The following PRCD variants were observed in gnomAD, a reference collection of about 807,000 sequenced individuals.
The protein encoded by PRCD is photoreceptor disk component PRCD.
PRCD carries 12 observed loss-of-function variants against 10.1 expected under a neutral mutation model. The ratio of observed to expected loss-of-function variants is 1.18; its 90% confidence interval spans 0.76 to 1.92. The LOEUF (loss-of-function observed/expected upper bound fraction) is 1.92, where lower values mean the gene tolerates loss of function less well. Among genes scored for constraint, PRCD ranks in the 40% most tolerant of loss-of-function variants. The pLI is 0.00. For synonymous variants in PRCD, 31 were observed against 26.2 expected (o/e 1.18, Z -0.56); for missense variants, 61 against 72.2 (o/e 0.84, Z 0.56).
chr17:76,540,261 G>C lies in PRCD; in HGVS notation c.74+46G>C, dbSNP rs769134763. ...TGGCTGGCGGTTGGTCGGGGGGGGGGGGCATGGGGCTGGGCTGCCACCAAG... is the reference window on the plus strand; with the variant it reads ...TGGCTGGCGGTTGGTCGGGGGGGGGCGGCATGGGGCTGGGCTGCCACCAAG... On this transcript the variant is annotated intron_variant, in intron 1 of 4. Transcript: ENST00000592014. This position sits in a 1 kb window ranked among gnomAD's most constrained non-coding sequence, Gnocchi z 5.0. 1.2e-6 allele frequency: 1 copy of C among 826,468 alleles called. No individual in the cohort carries two copies. The highest frequency in any genetic ancestry group is 2.8e-5 in the East Asian group (1 of 35,898). 51.2% of individuals were successfully genotyped at this position (826,468 alleles called of 1,614,324 possible). A position where few individuals can be genotyped will look rare whatever the true frequency, so the allele number is the denominator to read the frequency against.
Position 76,528,922 on chromosome 17 carries a change from G to A in PRCD, n.45+1089G>A, listed in dbSNP as rs901406898. 8 of 1,163,386 alleles carry A rather than the reference G, an allele frequency of 6.9e-6. No individual in the cohort carries two copies. In the Admixed American group the frequency reaches 1.9e-4, roughly 27 times the overall value. The allele number at this position is 1,163,386 out of a possible 1,614,324, so 72.1% of individuals were successfully genotyped here. A position where few individuals can be genotyped will look rare whatever the true frequency, so the allele number is the denominator to read the frequency against. On this transcript the variant is annotated intron_variant and non_coding_transcript_variant, in intron 1 of 4. Coordinates refer to the PRCD transcript ENST00000397633. The surrounding 1 kb of genome is among the most constrained non-coding windows in gnomAD (Gnocchi z 5.8). Reference sequence around the variant, plus strand: ...AAACTGCAAAGCACGATACCAATGTGAGCTCTTTTTCCATTAATTCTGAAA... The same window carrying A: ...AAACTGCAAAGCACGATACCAATGTAAGCTCTTTTTCCATTAATTCTGAAA...
At position 76,528,022 on chromosome 17, in the gene PRCD, G is replaced by C. The variant is rs2074787389; in HGVS notation, n.45+189G>C. The C allele has an allele frequency of 2.7e-6, 1 of 366,964 alleles. No homozygotes were observed. The highest frequency in any genetic ancestry group is 2.1e-5 in the African/African-American group (1 of 47,116). 22.7% of individuals were successfully genotyped at this position (366,964 alleles called of 1,614,324 possible). ...GATTTCCTCTTTGCCAGAACACTCT[G>C]TTCTCTGCACAACCGGAACCCCTCC... On this transcript the variant is annotated intron_variant and non_coding_transcript_variant, in intron 1 of 4. Transcript: ENST00000397633. This position sits in a 1 kb window ranked among gnomAD's most constrained non-coding sequence, Gnocchi z 5.8.
intron 4 of PRCD, 73 bp from the exon 5 acceptor site, chr17:76,543,730 C>T: frequency 2.1e-6 from 1 of 468,420 alleles, no homozygotes; most frequent in Admixed American, 2.3e-5. Flanking sequence ...GTTAAGCCGC[C>T]ACTTGTGGTC....
chr17:76,531,582 C>T lies in PRCD; in HGVS notation n.45+3749C>T, dbSNP rs1050578466. The T allele has an allele frequency of 6.2e-7, 1 of 1,614,080 alleles. No individual in the cohort carries two copies. The highest frequency in any genetic ancestry group is 8.5e-7 in the Non-Finnish European group (1 of 1,179,902). ...ACGACAGTGTTGAGGGCCCCCATGA[C>T]TCGGCAGGCGTGCTTCCGCAGCTGG... is the stretch of plus-strand genomic sequence containing the variant. On this transcript the variant is annotated intron_variant and non_coding_transcript_variant, in intron 1 of 4. Transcript: ENST00000397633. The surrounding 1 kb of genome is among the most constrained non-coding windows in gnomAD (Gnocchi z 7.4).
rs999800026 is a variant in PRCD at position 76,533,681 on chromosome 17, C to T, written n.45+5848C>T. 6.6e-6 allele frequency among the ~76,000 whole-genome samples: 1 copy of T among 151,970 alleles called. No individual in the cohort carries two copies. Among genetic ancestry groups the T allele is most frequent in the African/African-American group, 2.4e-5 (1 of 41,336 alleles). On this transcript the variant is annotated intron_variant and non_coding_transcript_variant, in intron 1 of 4. Transcript: ENST00000397633. The surrounding 1 kb of genome is among the most constrained non-coding windows in gnomAD (Gnocchi z 4.5). ...AAGGCTGCAGGGAGCCAAGATTGTGCCATTGCACTCCAGCCTGGGTGACAG... is the reference window on the plus strand; with the variant it reads ...AAGGCTGCAGGGAGCCAAGATTGTGTCATTGCACTCCAGCCTGGGTGACAG...
intron 1 of PRCD, chr17:76,529,814 C>T: frequency 1.0e-6 from 1 of 985,324 alleles, no homozygotes; most frequent in Non-Finnish European, 1.2e-6. Flanking sequence ...TCCCAGGTCT[C>T]AGGCAGGCCA....
At chr17:76,547,917 CACACAT>C (rs1453774135), downstream of PRCD, among the ~76,000 whole-genome samples, 3 of 151,006 alleles carry the variant, frequency 2.0e-5, no homozygotes, top group African/African-American at 7.3e-5. Context: ...CACATTCACA[CACACAT>C]ACACATATAC....
At position 76,540,230 on chromosome 17, in the gene PRCD, G is replaced by T; in HGVS notation, c.74+15G>T. 2 of 1,571,066 alleles carry T rather than the reference G, an allele frequency of 1.3e-6. No homozygotes were observed. Among genetic ancestry groups the T allele is most frequent in the Non-Finnish European group, 1.7e-6 (2 of 1,156,630 alleles). On this transcript the variant is annotated intron_variant, in intron 1 of 4. Transcript: ENST00000592014. The surrounding 1 kb of genome is among the most constrained non-coding windows in gnomAD (Gnocchi z 5.0). Reference sequence around the variant, plus strand: ...CGAGTCCAACCGTGAGAAACTGACCGGGCTATGGCTGGCGGTTGGTCGGGG... The same window carrying T: ...CGAGTCCAACCGTGAGAAACTGACCTGGCTATGGCTGGCGGTTGGTCGGGG...
chr17:76,552,182 A>G (rs2075113724), intron 1 of PRCD: 1 of 152,118 alleles, frequency 6.6e-6, no homozygotes, highest in Non-Finnish European at 1.5e-5. Context: ...TTTCTTTTTA[A>G]AATCTCACTT....
At chr17:76,534,175 T>TCTCTCC (rs1418865175) in intron 1 of PRCD, among the ~76,000 whole-genome samples, 6 of 148,026 alleles carry the variant, frequency 4.1e-5, no homozygotes, top group Admixed American at 2.7e-4. Context: ...TCTCTCTCTC[T>TCTCTCC]CTTTCTTTCT....
chr17:76,528,369 C>A lies in PRCD; in HGVS notation n.45+536C>A, dbSNP rs1032616748. ...AGAAGAGTGGGCCCCGCTCTGCCCG[C>A]CGCGCTGGGGTCAGCATCCAGGCAG... On this transcript the variant is annotated intron_variant and non_coding_transcript_variant, in intron 1 of 4. Coordinates refer to the PRCD transcript ENST00000397633. The surrounding 1 kb of genome is among the most constrained non-coding windows in gnomAD (Gnocchi z 5.8). The A allele has an allele frequency of 9.5e-6, 4 of 422,458 alleles. No individual in the cohort carries two copies. Among genetic ancestry groups the A allele is most frequent in the African/African-American group, 8.2e-5 (4 of 48,946 alleles). The allele number at this position is 422,458 out of a possible 1,614,324, so 26.2% of individuals were successfully genotyped here. A position where few individuals can be genotyped will look rare whatever the true frequency, so the allele number is the denominator to read the frequency against.
In PRCD at chr17:76,528,966, G is replaced by A; in HGVS notation, n.45+1133G>A. On this transcript the variant is annotated intron_variant and non_coding_transcript_variant, in intron 1 of 4. Transcript: ENST00000397633. This position sits in a 1 kb window ranked among gnomAD's most constrained non-coding sequence, Gnocchi z 5.8. Reference sequence around the variant, plus strand: ...TCTGAAACGTGGCGCATTCTGTCCGGCCTGTCTCGTCCCTCCTCGGGCCAC... The same window carrying A: ...TCTGAAACGTGGCGCATTCTGTCCGACCTGTCTCGTCCCTCCTCGGGCCAC... The A allele has an allele frequency of 9.6e-7, 1 of 1,045,208 alleles. No homozygotes were observed. The highest frequency in any genetic ancestry group is 1.2e-6 in the Non-Finnish European group (1 of 869,552). The allele number at this position is 1,045,208 out of a possible 1,614,324, so 64.7% of individuals were successfully genotyped here. A position where few individuals can be genotyped will look rare whatever the true frequency, so the allele number is the denominator to read the frequency against.
At chr17:76,536,910 C>G (rs1415868443), upstream of PRCD, among the ~76,000 whole-genome samples, 3 of 152,332 alleles carry the variant, frequency 2.0e-5, no homozygotes, top group East Asian at 5.8e-4. Flanking sequence ...TCTTTCTCAA[C>G]CTCTGCTCTT....
chr17:76,532,988 C>T (rs957115538), intron 1 of PRCD, among the ~76,000 whole-genome samples: 2 of 152,214 alleles, frequency 1.3e-5, no homozygotes, highest in Non-Finnish European at 2.9e-5. Context: ...TCTGCCCCTT[C>T]GTGTGTCCCC....
Position 76,529,046 on chromosome 17 carries a change from C to G in PRCD, n.45+1213C>G, listed in dbSNP as rs1175855318. On this transcript the variant is annotated intron_variant and non_coding_transcript_variant, in intron 1 of 4. Transcript: ENST00000397633. ...ACAGCGCCCCCTGCAGTCATTGCGCCCCCCCCCCACCCCCCACCCACGCAA... is the reference window on the plus strand; with the variant it reads ...ACAGCGCCCCCTGCAGTCATTGCGCGCCCCCCCCACCCCCCACCCACGCAA... 1.2e-4 allele frequency: 11 copies of G among 88,004 alleles called. No individual in the cohort carries two copies. In the African/African-American group the frequency reaches 2.7e-3, roughly 22 times the overall value. 5.5% of individuals were successfully genotyped at this position (88,004 alleles called of 1,614,324 possible). A position where few individuals can be genotyped will look rare whatever the true frequency, so the allele number is the denominator to read the frequency against.
At chr17:76,546,919 C>T (rs553393696), downstream of PRCD, 1 of 152,322 alleles carries the variant, frequency 6.6e-6, no homozygotes, top group Non-Finnish European at 1.5e-5. This position sits in a 1 kb window ranked among gnomAD's most constrained non-coding sequence, Gnocchi z 4.5. Context: ...GAAGCCAGGA[C>T]CTGAGCCTGG....
rs146768380 is a variant in PRCD at position 76,531,614 on chromosome 17, C to A, written n.45+3781C>A. ...GGCGTGCTTCCGCAGCTGGGGGCTCCGCTCCATCTCCAGGGGATCCTCCAT... is the reference window on the plus strand; with the variant it reads ...GGCGTGCTTCCGCAGCTGGGGGCTCAGCTCCATCTCCAGGGGATCCTCCAT... On this transcript the variant is annotated intron_variant and non_coding_transcript_variant, in intron 1 of 4. Transcript: ENST00000397633. The surrounding 1 kb of genome is among the most constrained non-coding windows in gnomAD (Gnocchi z 7.4). 1 of 1,613,502 alleles carries A rather than the reference C, an allele frequency of 6.2e-7. No homozygotes were observed. Among genetic ancestry groups the A allele is most frequent in the Admixed American group, 1.7e-5 (1 of 60,022 alleles).
At position 76,530,941 on chromosome 17, in the gene PRCD, G is replaced by A. The variant is rs776297436; in HGVS notation, n.45+3108G>A. On this transcript the variant is annotated intron_variant and non_coding_transcript_variant, in intron 1 of 4. Coordinates refer to the PRCD transcript ENST00000397633. The surrounding 1 kb of genome is among the most constrained non-coding windows in gnomAD (Gnocchi z 6.1). The stretch of plus-strand genomic sequence containing the variant: ...CCTCGGGGACAGCAGAGGACATGGC[G>A]GGGAGGCTGCCCAGCCCACCCTCGC... 27 of 1,534,444 alleles carry A rather than the reference G, an allele frequency of 1.8e-5. No homozygotes were observed. Among genetic ancestry groups the A allele is most frequent in the East Asian group, 4.9e-5 (2 of 41,092 alleles).
At position 76,531,585 on chromosome 17, in the gene PRCD, G is replaced by T. The variant is rs1567906701; in HGVS notation, n.45+3752G>T. On this transcript the variant is annotated intron_variant and non_coding_transcript_variant, in intron 1 of 4. Coordinates refer to the PRCD transcript ENST00000397633. The surrounding 1 kb of genome is among the most constrained non-coding windows in gnomAD (Gnocchi z 7.4). ...ACAGTGTTGAGGGCCCCCATGACTC[G>T]GCAGGCGTGCTTCCGCAGCTGGGGG... 6.2e-7 allele frequency: 1 copy of T among 1,613,982 alleles called. No individual in the cohort carries two copies. Among genetic ancestry groups the T allele is most frequent in the Non-Finnish European group, 8.5e-7 (1 of 1,179,828 alleles).
Sources: gnomAD v4.1 joint callset for allele counts (sites outside exome capture counted in the v4.1 genomes callset) on GRCh38, gnomAD v4.1.1 for gene constraint, Gnocchi (gnomAD v3.1) non-coding constraint, MANE v1.5 for transcripts, NCBI Gene and HGNC (gene_info 2026-07-23, HGNC 2026-07-21) for gene names.